The following GPATCH8 variants were observed in gnomAD, a reference collection of about 807,000 sequenced individuals.
GPATCH8 encodes G-patch domain containing 8, also known as G patch domain-containing protein 8.
A neutral mutation model predicts 118.3 loss-of-function variants in GPATCH8; 18 were observed. The ratio of observed to expected loss-of-function variants is 0.15; its 90% CI spans 0.11 to 0.23. The LOEUF (loss-of-function observed/expected upper bound fraction) is 0.23. Among genes scored for constraint, GPATCH8 ranks in the 10% least tolerant of loss-of-function variants. The pLI is 1.00. For synonymous variants in GPATCH8, 659 were observed against 684.7 expected, an observed-to-expected ratio of 0.96 and a Z score of 0.59; for missense variants, 1,631 against 1,873.8, an observed-to-expected ratio of 0.87 and a Z score of 2.39.
chr17:44,435,429 T>TTTTG, intron 4 of GPATCH8, among the ~76,000 whole-genome samples: 1 of 146,070 alleles, frequency 6.8e-6, no homozygotes. Context: ...TTTTTTTTTT[T>TTTTG]TGAGATGGAG....
chr17:44,478,001 G>C (rs1345724354), intron 1 of GPATCH8, among the ~76,000 whole-genome samples: 2 of 34,550 alleles, frequency 5.8e-5, no homozygotes, highest in Non-Finnish European at 2.2e-4. Context: ...GTAGAGATGG[G>C]GTGGGGGGTG....
chr17:44,415,530 C>T (rs1425871494), intron 6 of GPATCH8, among the ~76,000 whole-genome samples: 1 of 152,112 alleles, frequency 6.6e-6, no homozygotes, highest in African/African-American at 2.4e-5. Context: ...TTGGGATGCT[C>T]AATCTGTATT....
At position 44,450,826 on chromosome 17, in the gene GPATCH8, T is replaced by C. The variant is rs79005649; in HGVS notation, c.193+13646A>G. On this transcript the variant is annotated intron_variant, in intron 3 of 7. Transcript: ENST00000591680. ...CTAACTCACAGACACCTGTACTCCA[T>C]GTATCTATCAGCAAGTATAGATGCA... 4.2e-3 allele frequency among the ~76,000 whole-genome samples: 640 copies of C among 152,266 alleles called. 9 individuals are homozygous for C. The highest frequency in any genetic ancestry group is 0.014 in the African/African-American group (587 of 41,560).
intron 1 of GPATCH8, among the ~76,000 whole-genome samples, chr17:44,476,281 C>T (rs936174142): frequency 4.6e-5 from 7 of 151,998 alleles, no homozygotes; most frequent in African/African-American, 1.2e-4. Flanking sequence ...CTCAGCTCAC[C>T]GCAACCTCTG....
rs536159999 is a variant in GPATCH8, at chr17:44,476,210, C to CCT, written c.46-1308_46-1307insAG. ...CAAACAAAGAGCCACGCTGTTTTAC[C>CCT]TTTTTTTTTTTTGAGACAAAGTCTC... On this transcript the variant is annotated intron_variant, in intron 1 of 7. Coordinates refer to ENST00000591680, the MANE Select transcript of GPATCH8 (RefSeq NM_001002909.4). 5.5e-3 allele frequency among the ~76,000 whole-genome samples: 811 copies of CCT among 146,250 alleles called. 10 individuals carry two copies. Among genetic ancestry groups the CCT allele is most frequent in the African/African-American group, 0.02 (788 of 40,190 alleles).
chr17:44,464,932 G>T, intron 2 of GPATCH8: 46 of 153,498 alleles, frequency 3.0e-4, no homozygotes, highest in South Asian at 1.1e-3. Context: ...ACCACTTTAA[G>T]ATTTTTTTTT....
chr17:44,488,858 G>A (rs1420536174), intron 1 of GPATCH8, among the ~76,000 whole-genome samples: 2 of 151,372 alleles, frequency 1.3e-5, no homozygotes, highest in Admixed American at 1.3e-4. Context: ...AGGCCGAGGC[G>A]GGTGGATCAC....
chr17:44,483,822 G>GTTT (rs147675276), intron 1 of GPATCH8, among the ~76,000 whole-genome samples: 3,573 of 122,276 alleles, frequency 0.029, 78 homozygotes, highest in Admixed American at 0.079. Flanking sequence ...TTGTTTGGTT[G>GTTT]TTTTTGTTGT....
intron 2 of GPATCH8, among the ~76,000 whole-genome samples, chr17:44,467,949 C>T (rs1966930491): frequency 6.6e-6 from 1 of 151,938 alleles, no homozygotes; most frequent in Non-Finnish European, 1.5e-5. Flanking sequence ...AACAAGCAAT[C>T]TATTCTCTCT....
In GPATCH8 at chr17:44,400,132, C is replaced by A. The variant is rs374265844; in HGVS notation, c.1945G>T (p.Gly649Cys). The change falls in exon 8 of 8, where the codon GGT becomes TGT. Residue 649 changes from glycine (G) to cysteine (C), a missense_variant. Around this residue, in one of 8 missense-constraint regions of GPATCH8, gnomAD observed 922 missense variants for 879.7 expected, o/e 1.05. Coordinates refer to ENST00000591680, the MANE Select transcript of GPATCH8 (RefSeq NM_001002909.4). Reference sequence around the variant, plus strand: ...TCTTCTGTCTCAGACCCATGGCTACCCCCAGGCTCCTGCTTGTTCAGGCCG... The same window carrying A: ...TCTTCTGTCTCAGACCCATGGCTACACCCAGGCTCCTGCTTGTTCAGGCCG... ...CSGLNKQEPG[G>C]SHGSETEDTG... The A allele has an allele frequency of 1.1e-5, 17 of 1,613,826 alleles. No individual in the cohort carries two copies. In the Admixed American group the frequency reaches 2.0e-4, roughly 19 times the overall value.
intron 1 of GPATCH8, among the ~76,000 whole-genome samples, chr17:44,490,162 T>G (rs1424384145): frequency 6.6e-6 from 1 of 152,078 alleles, no homozygotes; most frequent in Admixed American, 6.6e-5. Flanking sequence ...TGTAAAAATT[T>G]TTTTTAATGA....
intron 2 of GPATCH8, chr17:44,474,435 T>C: frequency 3.9e-6 from 1 of 256,846 alleles, no homozygotes; most frequent in East Asian, 1.0e-4. Flanking sequence ...AAAATTTCCA[T>C]ACATATTCTA....
At chr17:44,435,562 C>T (rs138348064) in intron 4 of GPATCH8, among the ~76,000 whole-genome samples, 2,981 of 149,704 alleles carry the variant, frequency 0.02, 105 homozygotes, top group African/African-American at 0.068. Flanking sequence ...TACAGGTGCC[C>T]GCCACAATGC....
chr17:44,414,131 A>ATATATATATGTATATATATGTG (rs2049578369), intron 6 of GPATCH8, among the ~76,000 whole-genome samples: 2 of 26,614 alleles, frequency 7.5e-5, no homozygotes, highest in African/African-American at 2.8e-4. Flanking sequence ...ATATATGTGT[A>ATATATATATGTATATATATGTG]TATATATATA....
chr17:44,451,366 T>C (rs2051105802), intron 3 of GPATCH8, among the ~76,000 whole-genome samples: 1 of 152,180 alleles, frequency 6.6e-6, no homozygotes. Flanking sequence ...GAGCTGTGAT[T>C]ACAGTCGTGA....
intron 2 of GPATCH8, among the ~76,000 whole-genome samples, chr17:44,466,857 T>TAA (rs2051786136): frequency 6.6e-6 from 1 of 152,002 alleles, no homozygotes; most frequent in African/African-American, 2.4e-5. Flanking sequence ...CTCATAACTA[T>TAA]ATTTGGCACC....
chr17:44,463,450 G>A (rs1289822122), intron 3 of GPATCH8, among the ~76,000 whole-genome samples: 13 of 152,188 alleles, frequency 8.5e-5, no homozygotes, highest in African/African-American at 1.7e-4. Context: ...ACAGGTGCAC[G>A]ATCTTGGCTC....
At position 44,395,689 on chromosome 17, in the gene GPATCH8, C is replaced by A. The variant is rs1364003736; in HGVS notation, c.*1879G>T. 4.4e-6 allele frequency: 2 copies of A among 453,994 alleles called. No homozygotes were observed. Among genetic ancestry groups the A allele is most frequent in the South Asian group, 1.6e-5 (1 of 64,482 alleles). 28.1% of individuals were successfully genotyped at this position (453,994 alleles called of 1,614,324 possible). A position where few individuals can be genotyped will look rare whatever the true frequency, so the allele number is the denominator to read the frequency against. On this transcript the variant is annotated 3_prime_UTR_variant, in exon 8 of 8. Coordinates refer to ENST00000591680, the MANE Select transcript of GPATCH8 (RefSeq NM_001002909.4). ...GGCAGTCAAGAGTTGTGTTTGCCTG[C>A]CACTTTCTTTTCATAAACTTTACTC...
intron 5 of GPATCH8, among the ~76,000 whole-genome samples, chr17:44,432,953 T>C (rs1567981270): frequency 6.6e-6 from 1 of 152,032 alleles, no homozygotes; most frequent in Non-Finnish European, 1.5e-5. Context: ...ATCCTCCCAA[T>C]TCAGCTTCTC....
Sources: allele counts gnomAD v4.1 joint callset (sites outside exome capture counted in the v4.1 genomes callset), GRCh38; gene constraint gnomAD v4.1.1; regional missense constraint gnomAD v4.1.1; transcripts MANE v1.5; gene names NCBI Gene and HGNC (gene_info 2026-07-23, HGNC 2026-07-21).